Variants in ACTG2 observed in about 807,000 individuals in gnomAD.
ACTG2 encodes actin gamma 2, smooth muscle.
In ACTG2, 16 loss-of-function variants were observed where a neutral mutation model predicts 37.6. That is an observed-to-expected ratio of 0.43 (90% CI 0.29 to 0.65). The LOEUF (loss-of-function observed/expected upper bound fraction) is 0.65, where lower values mean the gene tolerates loss of function less well. ACTG2 is among the 30% of genes least tolerant of loss of function. ACTG2 has a pLI of 0.18. For missense variants in ACTG2, 238 were observed against 490.9 expected (o/e 0.48, Z 4.87); for synonymous variants, 181 against 179.9 (o/e 1.01, Z -0.05).
In ACTG2 at chr2:73,902,667, T is replaced by A. The variant is rs745702140; in HGVS notation, c.255+179T>A. 2.0e-5 allele frequency: 31 copies of A among 1,551,906 alleles called. No homozygotes were observed. In the East Asian group the frequency reaches 7.6e-4, roughly 38 times the overall value. On this transcript the variant is annotated intron_variant, in intron 3 of 8. Transcript: ENST00000345517. ...AACCTAGGCTGCCAACATCTCTCCC[T>A]GGACTATTGCAATGGCTTCCTGGCT...
At chr2:73,893,298 G>A (rs1025691168) in intron 1 of ACTG2, among the ~76,000 whole-genome samples, 5 of 152,212 alleles carry the variant, frequency 3.3e-5, no homozygotes, top group East Asian at 1.9e-4. Flanking sequence ...GGGGACTGGC[G>A]GGATATAATG....
chr2:73,900,122 G>A (rs1463388739), intron 1 of ACTG2, among the ~76,000 whole-genome samples: 2 of 152,144 alleles, frequency 1.3e-5, no homozygotes, highest in Non-Finnish European at 1.5e-5. Context: ...CATGCCATAG[G>A]CACCTGCAAT....
At position 73,901,371 on chromosome 2, in the gene ACTG2, A is replaced by G; in HGVS notation, c.60A>G (p.Ala20=). ...VCDNGSGLCK[A]GFAGDDAPRA... ...ACAATGGCTCTGGCCTGTGCAAGGCAGGCTTCGCAGGAGATGATGCCCCCC... is the reference window on the plus strand; with the variant it reads ...ACAATGGCTCTGGCCTGTGCAAGGCGGGCTTCGCAGGAGATGATGCCCCCC... The change falls in exon 2 of 9, where the codon GCA becomes GCG. Residue 20 remains alanine, a synonymous_variant. Transcript: ENST00000345517. 2.5e-6 allele frequency: 4 copies of G among 1,614,206 alleles called. No individual in the cohort carries two copies. The highest frequency in any genetic ancestry group is 3.4e-6 in the Non-Finnish European group (4 of 1,180,028).
Position 73,901,407 on chromosome 2 carries a change from C to T in ACTG2, c.96C>T (p.Phe32=). The change falls in exon 2 of 9, where the codon TTC becomes TTT. Residue 32 remains phenylalanine, a synonymous_variant. Transcript: ENST00000345517. The part of the protein sequence containing the change: ...FAGDDAPRAV[F]PSIVGRPRHQ... ...GAGATGATGCCCCCCGGGCTGTCTTCCCCTCCATTGTGGGCCGCCCTCGCC... is the reference window on the plus strand; with the variant it reads ...GAGATGATGCCCCCCGGGCTGTCTTTCCCTCCATTGTGGGCCGCCCTCGCC... 6.2e-7 allele frequency: 1 copy of T among 1,614,190 alleles called. No individual in the cohort carries two copies. The highest frequency in any genetic ancestry group is 2.2e-5 in the East Asian group (1 of 44,882).
intron 1 of ACTG2, among the ~76,000 whole-genome samples, chr2:73,893,363 T>C (rs1423922231): frequency 1.3e-5 from 2 of 152,222 alleles, no homozygotes; most frequent in Non-Finnish European, 2.9e-5. Context: ...CACACCCTGA[T>C]GTCCTTTGTC....
intron 3 of ACTG2, chr2:73,908,413 TGAAGAG>T: frequency 1.8e-6 from 1 of 561,534 alleles, no homozygotes; most frequent in South Asian, 1.5e-5. Context: ...TGTAGGAGAG[TGAAGAG>T]GAGGGAAGGT....
chr2:73,915,409 A>G (rs1322645241), intron 7 of ACTG2, among the ~76,000 whole-genome samples: 2 of 151,380 alleles, frequency 1.3e-5, no homozygotes, highest in African/African-American at 4.9e-5. Flanking sequence ...GGTCCCAGAT[A>G]CTCAGGAGGC....
In ACTG2 at chr2:73,915,859, A is replaced by T. The variant is rs1003411122; in HGVS notation, c.806-725A>T. Among the ~76,000 whole-genome samples the T allele has an allele frequency of 4.6e-5, 7 of 152,144 alleles. No individual in the cohort carries two copies. In the East Asian group the frequency reaches 1.3e-3, roughly 29 times the overall value. On this transcript the variant is annotated intron_variant, in intron 7 of 8. Transcript: ENST00000345517. ...ACCTCTAAAGACAGAAAGTGGATTC[A>T]CTGTTACCTAGGGCTGGGGCAGGGA...
At chr2:73,913,704 A>C in intron 6 of ACTG2, 58 bp downstream of exon 6, 1 of 1,437,064 alleles carries the variant, frequency 7.0e-7, no homozygotes, top group Non-Finnish European at 9.6e-7. Context: ...GTTTAGGACA[A>C]GAAGTTCTCA....
intron 5 of ACTG2, among the ~76,000 whole-genome samples, chr2:73,910,990 G>A (rs2104818071): frequency 6.6e-6 from 1 of 151,790 alleles, no homozygotes; most frequent in South Asian, 2.1e-4. Flanking sequence ...GGCCTACACA[G>A]GTTCAGGATC....
Position 73,901,676 on chromosome 2 carries a change from C to T in ACTG2, c.126+239C>T, listed in dbSNP as rs369953659. The T allele has an allele frequency of 4.1e-5, 27 of 652,350 alleles. No homozygotes were observed. The African/African-American group carries it at 5.1e-4, about 12-fold the overall frequency. 40.4% of individuals were successfully genotyped at this position (652,350 alleles called of 1,614,324 possible). A position where few individuals can be genotyped will look rare whatever the true frequency, so the allele number is the denominator to read the frequency against. ...TTTCTGATTAACTGATAGAGCAGGACCCTTTAAATAGAAATATCCAGGGCC... is the reference window on the plus strand; with the variant it reads ...TTTCTGATTAACTGATAGAGCAGGATCCTTTAAATAGAAATATCCAGGGCC... On this transcript the variant is annotated intron_variant, in intron 2 of 8. Coordinates refer to ENST00000345517, the MANE Select transcript of ACTG2 (RefSeq NM_001615.4).
At chr2:73,906,465 A>AAAATAAATAAAT (rs1553395536) in intron 3 of ACTG2, among the ~76,000 whole-genome samples, 4 of 149,742 alleles carry the variant, frequency 2.7e-5, no homozygotes, top group African/African-American at 9.8e-5. Context: ...TAAAAAATAA[A>AAAATAAATAAAT]AAATAAATAA....
chr2:73,903,889 G>A (rs1431104163), intron 3 of ACTG2, among the ~76,000 whole-genome samples: 1 of 138,954 alleles, frequency 7.2e-6, no homozygotes, highest in Non-Finnish European at 1.5e-5. Context: ...GCAGTGAGCC[G>A]AGATTGTGCC....
intron 6 of ACTG2, among the ~76,000 whole-genome samples, chr2:73,914,102 C>T (rs1015809055): frequency 1.3e-5 from 2 of 152,088 alleles, no homozygotes; most frequent in African/African-American, 4.8e-5. Context: ...TGCAAAGCCC[C>T]CAGGAAGGCC....
intron 2 of ACTG2, among the ~76,000 whole-genome samples, chr2:73,902,041 C>CTGTGTG (rs34360898): frequency 0.021 from 2,694 of 131,378 alleles, 80 homozygotes; most frequent in African/African-American, 0.076. Flanking sequence ...GTGTGTGTGT[C>CTGTGTG]TGTGTGTGTG....
At chr2:73,895,960 T>C (rs1481846310) in intron 1 of ACTG2, among the ~76,000 whole-genome samples, 2 of 152,210 alleles carry the variant, frequency 1.3e-5, no homozygotes, top group Non-Finnish European at 2.9e-5. Flanking sequence ...AGTAAGACTT[T>C]ATTAGACTCT....
chr2:73,914,967 T>C, intron 7 of ACTG2, 96 bp downstream of exon 7: 1 of 1,103,184 alleles, frequency 9.1e-7, no homozygotes, highest in Non-Finnish European at 1.2e-6. Context: ...CATGGCCACT[T>C]TGTTAATTAC....
At chr2:73,903,546 T>C (rs1558623499) in intron 3 of ACTG2, among the ~76,000 whole-genome samples, 2 of 152,242 alleles carry the variant, frequency 1.3e-5, no homozygotes, top group African/African-American at 2.4e-5. Flanking sequence ...GCTTTGAAGA[T>C]TGAATTAGCT....
intron 1 of ACTG2, 29 bp from the exon 2 acceptor site, chr2:73,901,247 A>G (rs1679864627): frequency 6.8e-7 from 1 of 1,468,720 alleles, no homozygotes. Flanking sequence ...CAAGTGGCTG[A>G]CTAGTTCTCT....
Sources: allele counts gnomAD v4.1 joint callset (sites outside exome capture counted in the v4.1 genomes callset), GRCh38; gene constraint gnomAD v4.1.1; transcripts MANE v1.5; gene names NCBI Gene and HGNC (gene_info 2026-07-23, HGNC 2026-07-21).